Variants in PRKN observed in about 807,000 individuals in gnomAD.
PRKN encodes the protein parkin RBR E3 ubiquitin protein ligase.
In PRKN, 56 loss-of-function variants were observed where a neutral mutation model predicts 59.5. That is an observed-to-expected ratio of 0.94 (90% CI 0.76 to 1.18). PRKN has a LOEUF of 1.18. Among genes scored for constraint, PRKN ranks in the 50% most tolerant of loss-of-function variants. The probability of loss-of-function intolerance (pLI) is 0.00; values close to 1 mark genes in which losing one functional copy is unlikely to be tolerated. For missense variants in PRKN, 657 were observed against 596.4 expected (o/e 1.10, Z -1.06); for synonymous variants, 250 against 222.1 (o/e 1.13, Z -1.12).
chr6:162,454,631 A>G (rs1790777917), intron 1 of PRKN, among the ~76,000 whole-genome samples: 2 of 152,182 alleles, frequency 1.3e-5, no homozygotes, highest in Admixed American at 1.3e-4. Context: ...CTGAGGGTAT[A>G]TGGGACGTGC....
intron 9 of PRKN, among the ~76,000 whole-genome samples, chr6:161,420,392 G>C (rs1336307403): frequency 6.6e-6 from 1 of 152,168 alleles, no homozygotes; most frequent in Non-Finnish European, 1.5e-5. Context: ...TGCAAGGGCT[G>C]GAGTGGCCTC....
intron 10 of PRKN, among the ~76,000 whole-genome samples, chr6:161,367,972 C>G (rs944880876): frequency 6.6e-6 from 1 of 152,090 alleles, no homozygotes; most frequent in Non-Finnish European, 1.5e-5. Flanking sequence ...GGTTCAGAAT[C>G]GGAGCCCCGA....
At chr6:161,553,347 C>G (rs560786365) in intron 8 of PRKN, among the ~76,000 whole-genome samples, 1 of 151,706 alleles carries the variant, frequency 6.6e-6, no homozygotes, top group South Asian at 2.1e-4. Context: ...TCCTTCTTTC[C>G]TCTCTCCCTA....
At chr6:162,523,015 G>C (rs146510426) in intron 1 of PRKN, among the ~76,000 whole-genome samples, 170 of 152,182 alleles carry the variant, frequency 1.1e-3, no homozygotes, top group African/African-American at 4.0e-3. Flanking sequence ...CGAAACCTTG[G>C]AGTCATGGCT....
chr6:162,374,289 AAAG>A (rs771180455), intron 2 of PRKN, among the ~76,000 whole-genome samples: 2 of 152,154 alleles, frequency 1.3e-5, no homozygotes, highest in South Asian at 2.1e-4. Flanking sequence ...TGTAAAGTGA[AAAG>A]AAGGACTTTA....
rs1454996552 is a variant in PRKN, at chr6:161,392,579, TC to T, written c.1084-5703del. ...AATTCCAGGTAGCCATATGGCAAAT[TC>T]CTCTCAGAATTCAACACCAGGAGAA... On this transcript the variant is annotated intron_variant, in intron 9 of 11. Coordinates refer to ENST00000366898, the MANE Select transcript of PRKN (RefSeq NM_004562.3). Among the ~76,000 whole-genome samples, 2 of 151,232 alleles carry T rather than the reference TC, an allele frequency of 1.3e-5. 1 individual carries two copies. The highest frequency in any genetic ancestry group is 4.9e-5 in the African/African-American group (2 of 41,100).
chr6:161,923,596 CCTCTTT>C (rs1221887129), intron 6 of PRKN, among the ~76,000 whole-genome samples: 3 of 140,694 alleles, frequency 2.1e-5, no homozygotes, highest in African/African-American at 5.1e-5. Context: ...TGTGAGATTT[CCTCTTT>C]CTGTCTCTAC....
chr6:162,298,401 A>G (rs1018946686), intron 2 of PRKN, among the ~76,000 whole-genome samples: 1 of 152,124 alleles, frequency 6.6e-6, no homozygotes, highest in African/African-American at 2.4e-5. Flanking sequence ...TGAATAGTTC[A>G]GGTGTCTTGA....
chr6:161,902,556 A>ATCTATTTTTTTTTTTT lies in PRKN; in HGVS notation c.734+70745_734+70746insAAAAAAAAAAAATAGA, dbSNP rs1382089937. Among the ~76,000 whole-genome samples, 48 of 118,214 alleles carry ATCTATTTTTTTTTTTT rather than the reference A, an allele frequency of 4.1e-4. 6 individuals are homozygous for ATCTATTTTTTTTTTTT. The highest frequency in any genetic ancestry group is 6.0e-4 in the African/African-American group (17 of 28,558). The allele number at this position is 118,214 out of a possible 152,430, so 77.6% of individuals were successfully genotyped here. A position where few individuals can be genotyped will look rare whatever the true frequency, so the allele number is the denominator to read the frequency against. On this transcript the variant is annotated intron_variant, in intron 6 of 11. Coordinates refer to ENST00000366898, the MANE Select transcript of PRKN (RefSeq NM_004562.3). ...TATCTATCTATCTATCTATTTATTT[A>ATCTATTTTTTTTTTTT]TTTATTTATTTTTTTTTTTTTGCGA...
chr6:161,383,865 C>T (rs532682617), intron 10 of PRKN, among the ~76,000 whole-genome samples: 29 of 152,344 alleles, frequency 1.9e-4, no homozygotes, highest in African/African-American at 6.5e-4. Flanking sequence ...GAAAACATGG[C>T]AGCAAAGACC....
intron 7 of PRKN, among the ~76,000 whole-genome samples, chr6:161,664,860 C>CT (rs1409206394): frequency 7.3e-5 from 11 of 150,672 alleles, no homozygotes; most frequent in Non-Finnish European, 1.5e-4. Context: ...GCGATCTCAG[C>CT]TCACTACAAA....
chr6:162,683,170 C>T (rs551577143), intron 1 of PRKN, among the ~76,000 whole-genome samples: 29 of 152,180 alleles, frequency 1.9e-4, no homozygotes, highest in South Asian at 4.1e-4. Flanking sequence ...AACAGTGAAG[C>T]GGGGAGGACT....
At chr6:161,888,053 A>G (rs1163164732) in intron 6 of PRKN, among the ~76,000 whole-genome samples, 1 of 152,214 alleles carries the variant, frequency 6.6e-6, no homozygotes, top group East Asian at 1.9e-4. Flanking sequence ...AGTTTTGAAC[A>G]TATGGTTTAA....
rs573351043 is a variant in PRKN, at chr6:162,664,402, T to C, written c.7+63260A>G. ...AGAATGATTTATATTCCTTTGGGTATATACCCAGTAATGGGATTGCTGGGT... is the reference window on the plus strand; with the variant it reads ...AGAATGATTTATATTCCTTTGGGTACATACCCAGTAATGGGATTGCTGGGT... On this transcript the variant is annotated intron_variant, in intron 1 of 11. Coordinates refer to ENST00000366898, the MANE Select transcript of PRKN (RefSeq NM_004562.3). 2.6e-5 allele frequency among the ~76,000 whole-genome samples: 4 copies of C among 152,344 alleles called. No homozygotes were observed. In the East Asian group the frequency reaches 5.8e-4, roughly 22 times the overall value.
At chr6:161,433,056 A>G (rs1235292686) in intron 9 of PRKN, among the ~76,000 whole-genome samples, 1 of 152,178 alleles carries the variant, frequency 6.6e-6, no homozygotes, top group African/African-American at 2.4e-5. Context: ...TTGTTCCTGA[A>G]GATTTTGAAA....
At chr6:161,567,034 T>TG (rs1207175390) in intron 8 of PRKN, among the ~76,000 whole-genome samples, 278 of 121,106 alleles carry the variant, frequency 2.3e-3, no homozygotes, top group African/African-American at 7.6e-3. Flanking sequence ...TTTTTTTTTT[T>TG]TTTTGTGTGT....
intron 7 of PRKN, among the ~76,000 whole-genome samples, chr6:161,776,265 C>A (rs1039488010): frequency 3.3e-5 from 5 of 152,208 alleles, no homozygotes; most frequent in Non-Finnish European, 7.3e-5. Context: ...GGTGCTTCAT[C>A]ATTTCAAAAC....
At chr6:161,635,889 T>C (rs992001431) in intron 7 of PRKN, among the ~76,000 whole-genome samples, 1 of 152,230 alleles carries the variant, frequency 6.6e-6, no homozygotes, top group South Asian at 2.1e-4. Context: ...CCAGGCTTTT[T>C]TGATATTTCA....
At chr6:162,489,410 A>C (rs1053086287) in intron 1 of PRKN, among the ~76,000 whole-genome samples, 31 of 152,204 alleles carry the variant, frequency 2.0e-4, no homozygotes, top group South Asian at 6.2e-4. Flanking sequence ...CAGAATATTA[A>C]AACTCTGTAT....
Sources: allele counts gnomAD v4.1 joint callset (sites outside exome capture counted in the v4.1 genomes callset), GRCh38; gene constraint gnomAD v4.1.1; transcripts MANE v1.5; gene names NCBI Gene and HGNC (gene_info 2026-07-23, HGNC 2026-07-21).